The following MDGA2 variants were observed in gnomAD, a reference collection of about 807,000 sequenced individuals.
MDGA2 encodes the protein MAM domain containing glycosylphosphatidylinositol anchor 2, also known as MAM domain-containing glycosylphosphatidylinositol anchor protein 2.
MDGA2 carries 40 observed loss-of-function variants against 117.8 expected under a neutral mutation model. The observed-to-expected ratio is 0.34, with a 90% CI of 0.26 to 0.44. The LOEUF (loss-of-function observed/expected upper bound fraction) is 0.44. Ranked by LOEUF, MDGA2 falls within the 20% of genes least tolerant of loss-of-function variation. MDGA2 has a pLI of 1.00. For missense variants in MDGA2, 1,123 were observed against 1,250.6 expected (o/e 0.90, Z 1.54); for synonymous variants, 452 against 439.0 (o/e 1.03, Z -0.37).
At chr14:47,444,626 T>C (rs1160740103) in intron 1 of MDGA2, 2 of 152,140 alleles carry the variant, frequency 1.3e-5, no homozygotes, top group Non-Finnish European at 1.5e-5. Flanking sequence ...TTTTACCTTA[T>C]ATTCATAAAG....
intron 1 of MDGA2, among the ~76,000 whole-genome samples, chr14:47,651,213 G>GTTGTGTGT (rs1897634216): frequency 6.8e-6 from 1 of 146,416 alleles, no homozygotes; most frequent in Admixed American, 6.8e-5. Flanking sequence ...GTGTGCATGT[G>GTTGTGTGT]GTGTGTGTGT....
intron 1 of MDGA2, among the ~76,000 whole-genome samples, chr14:47,566,197 T>A (rs1594921154): frequency 6.6e-6 from 1 of 152,094 alleles, no homozygotes; most frequent in South Asian, 2.1e-4. Flanking sequence ...GGCTGGTGTG[T>A]GTCAGCAAGG....
chr14:47,323,537 C>T (rs1312325536), intron 1 of MDGA2, among the ~76,000 whole-genome samples: 1 of 151,988 alleles, frequency 6.6e-6, no homozygotes, highest in African/African-American at 2.4e-5. Context: ...GAGGCTGAGG[C>T]ATGAGAATCT....
intron 3 of MDGA2, among the ~76,000 whole-genome samples, chr14:47,169,154 C>A (rs1038793106): frequency 3.9e-5 from 6 of 151,922 alleles, no homozygotes; most frequent in African/African-American, 1.4e-4. Flanking sequence ...AGCCACTTTG[C>A]TTTATTTACA....
chr14:46,905,357 ATTTC>A (rs1173205861), intron 10 of MDGA2, among the ~76,000 whole-genome samples: 1 of 152,052 alleles, frequency 6.6e-6, no homozygotes, highest in African/African-American at 2.4e-5. Flanking sequence ...AAATAAAACA[ATTTC>A]TTTCTATTTT....
At chr14:47,520,108 A>C (rs1403451838) in intron 1 of MDGA2, among the ~76,000 whole-genome samples, 1 of 152,228 alleles carries the variant, frequency 6.6e-6, no homozygotes, top group African/African-American at 2.4e-5. Context: ...GATATTATGA[A>C]GTGCAGACCT....
chr14:47,570,250 C>T (rs1895994144), intron 1 of MDGA2, among the ~76,000 whole-genome samples: 1 of 152,020 alleles, frequency 6.6e-6, no homozygotes, highest in Non-Finnish European at 1.5e-5. Context: ...CACTTAGTAT[C>T]CTCAATATAT....
chr14:47,445,753 G>A (rs1893108718), intron 1 of MDGA2, among the ~76,000 whole-genome samples: 1 of 152,094 alleles, frequency 6.6e-6, no homozygotes, highest in Non-Finnish European at 1.5e-5. Context: ...TAAGCAGAAG[G>A]GGAGGGAACA....
At chr14:47,122,890 G>A (rs563944537) in intron 5 of MDGA2, among the ~76,000 whole-genome samples, 4 of 151,958 alleles carry the variant, frequency 2.6e-5, no homozygotes, top group East Asian at 3.9e-4. Context: ...GCATATCCTC[G>A]ACCCAATCTA....
At chr14:47,116,039 A>C (rs1464452245) in intron 5 of MDGA2, among the ~76,000 whole-genome samples, 1 of 152,106 alleles carries the variant, frequency 6.6e-6, no homozygotes, top group Non-Finnish European at 1.5e-5. Context: ...AAGCCCTAAA[A>C]ACTCTATGAA....
chr14:47,439,555 T>C (rs1892960865), intron 1 of MDGA2, among the ~76,000 whole-genome samples: 1 of 152,102 alleles, frequency 6.6e-6, no homozygotes, highest in African/African-American at 2.4e-5. Context: ...TTGTGGTGAT[T>C]CAGTTGCAGA....
At chr14:47,238,387 T>A (rs1369217253) in intron 2 of MDGA2, among the ~76,000 whole-genome samples, 1 of 146,214 alleles carries the variant, frequency 6.8e-6, no homozygotes, top group Non-Finnish European at 1.6e-5. Flanking sequence ...TGGTTAATAC[T>A]CACCTCCCTT....
At chr14:47,239,018 A>C (rs1886954519) in intron 2 of MDGA2, among the ~76,000 whole-genome samples, 1 of 151,316 alleles carries the variant, frequency 6.6e-6, no homozygotes, top group African/African-American at 2.4e-5. Flanking sequence ...TTTACCAAAA[A>C]CTCCATTACT....
intron 8 of MDGA2, among the ~76,000 whole-genome samples, chr14:47,029,856 A>C (rs1959819): frequency 0.9 from 137,168 of 151,972 alleles, 61,979 homozygotes; most frequent in East Asian, 1. Flanking sequence ...TGAGATGAGT[A>C]TTGCTCTGTC....
chr14:47,174,718 C>G (rs376357581), intron 3 of MDGA2, among the ~76,000 whole-genome samples: 1 of 151,964 alleles, frequency 6.6e-6, no homozygotes, highest in African/African-American at 2.4e-5. Flanking sequence ...AATTGACACC[C>G]TAACATCACA....
chr14:47,559,493 A>G (rs892289034), intron 1 of MDGA2, among the ~76,000 whole-genome samples: 3 of 150,968 alleles, frequency 2.0e-5, no homozygotes, highest in African/African-American at 4.9e-5. Flanking sequence ...TCTACTATTC[A>G]TGGGCATTTG....
At chr14:47,225,304 C>T (rs371876765) in intron 2 of MDGA2, among the ~76,000 whole-genome samples, 10,030 of 151,100 alleles carry the variant, frequency 0.066, 372 homozygotes, top group African/African-American at 0.067. Flanking sequence ...AGCCATCCCA[C>T]TACTGGGTAT....
At chr14:47,443,774 G>A (rs1219012460) in intron 1 of MDGA2, among the ~76,000 whole-genome samples, 1 of 152,100 alleles carries the variant, frequency 6.6e-6, no homozygotes, top group Admixed American at 6.6e-5. Context: ...ATATGACTAG[G>A]GATGTCCCTA....
At chr14:47,282,171 T>C (rs957400334) in intron 2 of MDGA2, among the ~76,000 whole-genome samples, 1 of 152,126 alleles carries the variant, frequency 6.6e-6, no homozygotes, top group Non-Finnish European at 1.5e-5. Flanking sequence ...AAAACGAATA[T>C]ATGCATAAGC....
Sources: gnomAD v4.1 joint callset for allele counts (sites outside exome capture counted in the v4.1 genomes callset) on GRCh38, gnomAD v4.1.1 for gene constraint, MANE v1.5 for transcripts, NCBI Gene and HGNC (gene_info 2026-07-23, HGNC 2026-07-21) for gene names.